The following FREM2 variants were observed in gnomAD, a reference collection of about 807,000 sequenced individuals.
FREM2 encodes FRAS1 related extracellular matrix 2.
FREM2 carries 119 observed loss-of-function variants against 219.9 expected under a neutral mutation model. The observed-to-expected ratio is 0.54, with a 90% CI of 0.47 to 0.63. FREM2 has a LOEUF of 0.63. FREM2 is among the 30% of genes least tolerant of loss of function. FREM2 has a pLI of 0.00. For synonymous variants in FREM2, 1,562 were observed against 1,522.8 expected, an observed-to-expected ratio of 1.03 and a Z score of -0.60; for missense variants, 4,030 against 3,993.6, an observed-to-expected ratio of 1.01 and a Z score of -0.25.
At chr13:38,817,753 T>G (rs1875825215) in intron 6 of FREM2, among the ~76,000 whole-genome samples, 1 of 152,058 alleles carries the variant, frequency 6.6e-6, no homozygotes, top group African/African-American at 2.4e-5. Flanking sequence ...CAGAAACTGT[T>G]AAGAGAGTGA....
Position 38,691,401 on chromosome 13 carries a change from C to A in FREM2, c.4057C>A (p.Gln1353Lys). 6.2e-7 allele frequency: 1 copy of A among 1,614,112 alleles called. No individual in the cohort carries two copies. The highest frequency in any genetic ancestry group is 8.5e-7 in the Non-Finnish European group (1 of 1,179,998). Reference sequence around the variant, plus strand: ...TTATGGGCCAGGACATGGCTTATTACAGAGACGAAAACCTACTGGTGCCTT... The same window carrying A: ...TTATGGGCCAGGACATGGCTTATTAAAGAGACGAAAACCTACTGGTGCCTT... ...IRYGPGHGLL[Q>K]RRKPTGAFEN... The change falls in exon 1 of 24, where the codon CAG (glutamine) becomes AAG (lysine). Residue 1353 changes from glutamine (Q) to lysine (K), a missense_variant. This residue lies in a region of FREM2 where 3,102 missense variants were observed against 2,950.7 expected (regional missense o/e 1.05). Coordinates refer to ENST00000280481, the MANE Select transcript of FREM2 (RefSeq NM_207361.6).
In FREM2 at chr13:38,687,628, T is replaced by A; in HGVS notation, c.284T>A (p.Leu95Gln). 1 of 1,609,260 alleles carries A rather than the reference T, an allele frequency of 6.2e-7. No individual in the cohort carries two copies. Among genetic ancestry groups the A allele is most frequent in the South Asian group, 1.1e-5 (1 of 90,440 alleles). ...REVWLDPLHD[L>Q]VLQVQPGDRC... ...GTCTGGCTGGATCCCCTGCATGACC[T>A]GGTGTTGCAGGTGCAGCCCGGGGAC... The change falls in exon 1 of 24, where the codon CTG becomes CAG. Residue 95 changes from leucine to glutamine, a missense_variant. This residue lies in a region of FREM2 where 3,102 missense variants were observed against 2,950.7 expected (regional missense o/e 1.05). Coordinates refer to ENST00000280481, the MANE Select transcript of FREM2 (RefSeq NM_207361.6).
At chr13:38,708,416 G>A (rs954222467) in intron 2 of FREM2, among the ~76,000 whole-genome samples, 6 of 152,168 alleles carry the variant, frequency 3.9e-5, no homozygotes, top group Non-Finnish European at 7.3e-5. Flanking sequence ...CATCTTGGGA[G>A]GCTAAGGAGG....
intron 2 of FREM2, among the ~76,000 whole-genome samples, chr13:38,708,398 A>C (rs1870625509): frequency 1.3e-5 from 2 of 152,184 alleles, no homozygotes; most frequent in South Asian, 4.1e-4. Context: ...TCATGCCTGT[A>C]ATCCCAGCAT....
In FREM2 at chr13:38,859,365, C is replaced by T. The variant is rs141120365; in HGVS notation, c.7294C>T (p.Arg2432Trp). 6.3e-5 allele frequency: 101 copies of T among 1,614,052 alleles called. 1 individual carries two copies. Among genetic ancestry groups the T allele is most frequent in the Non-Finnish European group, 8.0e-5 (94 of 1,180,026 alleles). Residue 2432 changes from arginine (R) to tryptophan (W), a missense_variant, in exon 14 of 24, where the codon CGG becomes TGG. Arg to Trp is a moderately radical substitution (Grantham distance 101). Transcript: ENST00000280481. ...TGAGAACATCAATGACACTTTGACG[C>T]GGTACCGGTGGCTGATTAGTGCACC... The part of the protein sequence containing the change: ...ASENINDTLT[R>W]YRWLISAPAG...
intron 6 of FREM2, among the ~76,000 whole-genome samples, chr13:38,814,651 A>G (rs1875688531): frequency 6.6e-6 from 1 of 152,142 alleles, no homozygotes; most frequent in African/African-American, 2.4e-5. Flanking sequence ...TCACTTCAGA[A>G]TGGCAAGTTT....
chr13:38,692,070 C>G lies in FREM2; in HGVS notation c.4726C>G (p.Pro1576Ala), dbSNP rs116742938. The change falls in exon 1 of 24, where the codon CCT becomes GCT. Residue 1576 changes from proline (P) to alanine (A), a missense_variant. This residue lies in a region of FREM2 where 3,102 missense variants were observed against 2,950.7 expected (regional missense o/e 1.05). Transcript: ENST00000280481. ...KLLKFTITQV[P>A]IHGHLLFNNT... Reference sequence around the variant, plus strand: ...CCTGAAATTCACTATCACCCAGGTGCCTATTCATGGCCATCTCCTATTCAA... The same window carrying G: ...CCTGAAATTCACTATCACCCAGGTGGCTATTCATGGCCATCTCCTATTCAA... 1,117 of 1,614,156 alleles carry G rather than the reference C, an allele frequency of 6.9e-4. 12 individuals carry two copies. In the African/African-American group the frequency reaches 0.013, roughly 19 times the overall value.
intron 3 of FREM2, among the ~76,000 whole-genome samples, chr13:38,766,383 C>T (rs553418562): frequency 6.6e-6 from 1 of 152,156 alleles, no homozygotes. Flanking sequence ...ACTTAGTAAC[C>T]TGGGGTGATA....
At chr13:38,859,222 C>T (rs552911583) in intron 13 of FREM2, 65 bp from the exon 14 acceptor site, 275 of 1,511,258 alleles carry the variant, frequency 1.8e-4, no homozygotes, top group East Asian at 1.7e-3. Flanking sequence ...TGGCAGAGAA[C>T]GGGAGAAGAA....
chr13:38,851,950 G>A, intron 11 of FREM2, 82 bp downstream of exon 11: 1 of 1,278,908 alleles, frequency 7.8e-7, no homozygotes. Context: ...GAAAAGAAGG[G>A]AAACATCCAA....
At chr13:38,756,206 A>G (rs1566130284) in intron 2 of FREM2, among the ~76,000 whole-genome samples, 1 of 152,234 alleles carries the variant, frequency 6.6e-6, no homozygotes, top group South Asian at 2.1e-4. Context: ...GATTTTAATT[A>G]TTCAGCGCAG....
rs541840250 is a variant in FREM2 at position 38,687,133 on chromosome 13, G to T, written c.-212G>T. 12 of 619,166 alleles carry T rather than the reference G, an allele frequency of 1.9e-5. No individual in the cohort carries two copies. The highest frequency in any genetic ancestry group is 3.4e-5 in the Non-Finnish European group (12 of 356,088). 38.4% of individuals were successfully genotyped at this position (619,166 alleles called of 1,614,324 possible). The stretch of plus-strand genomic sequence containing the variant: ...TGAGGCGCTAGCGGCGGAGCTGGAC[G>T]GCCTGGGAAGGCTTCGGCTCCTCGG... On this transcript the variant is annotated 5_prime_UTR_variant, in exon 1 of 24. Coordinates refer to ENST00000280481, the MANE Select transcript of FREM2 (RefSeq NM_207361.6).
At chr13:38,836,873 T>G (rs973464245) in intron 6 of FREM2, among the ~76,000 whole-genome samples, 7 of 152,116 alleles carry the variant, frequency 4.6e-5, no homozygotes, top group African/African-American at 1.7e-4. Flanking sequence ...GTATCTATTT[T>G]GTTAATATTT....
In FREM2 at chr13:38,848,687, T is replaced by C. The variant is rs1877257996; in HGVS notation, c.6379+17T>C. 6.3e-7 allele frequency: 1 copy of C among 1,577,998 alleles called. No homozygotes were observed. Among genetic ancestry groups the C allele is most frequent in the Non-Finnish European group, 8.7e-7 (1 of 1,149,164 alleles). ...TCTCCGATTGTGAGTGTTTATTAAT[T>C]TTATAATTTACAATGATAATTGAAA... is the stretch of plus-strand genomic sequence containing the variant. On this transcript the variant is annotated intron_variant, in intron 8 of 23. Transcript: ENST00000280481.
chr13:38,799,895 A>G (rs1445972615), intron 6 of FREM2, among the ~76,000 whole-genome samples: 5 of 152,092 alleles, frequency 3.3e-5, no homozygotes, highest in South Asian at 2.1e-4. Context: ...TAGGCAGCAT[A>G]TATTTGAATT....
At chr13:38,849,887 C>A in intron 8 of FREM2, 151 bp from the exon 9 acceptor site, 1 of 712,566 alleles carries the variant, frequency 1.4e-6, no homozygotes, top group Non-Finnish European at 2.5e-6. Flanking sequence ...AAGTGATTTG[C>A]TCAAGGTCAA....
chr13:38,709,579 A>T (rs1870681311), intron 2 of FREM2, among the ~76,000 whole-genome samples: 1 of 152,110 alleles, frequency 6.6e-6, no homozygotes, highest in Admixed American at 6.5e-5. Context: ...TATTATGCAG[A>T]ATATACTACA....
rs1315270054 is a variant in FREM2 at position 38,841,529 on chromosome 13, G to T, written c.6020-5044G>T. 2.0e-5 allele frequency among the ~76,000 whole-genome samples: 3 copies of T among 152,020 alleles called. No individual in the cohort carries two copies. In the South Asian group the frequency reaches 6.3e-4, roughly 32 times the overall value. On this transcript the variant is annotated intron_variant, in intron 6 of 23. Transcript: ENST00000280481. The stretch of plus-strand genomic sequence containing the variant: ...GATAATTCTAGTATACTTCCTATTT[G>T]GGAACCAGTGAAGGCAAAGTATTTC...
intron 2 of FREM2, among the ~76,000 whole-genome samples, chr13:38,705,704 A>G (rs1211615693): frequency 6.6e-6 from 1 of 152,206 alleles, no homozygotes; most frequent in Non-Finnish European, 1.5e-5. Flanking sequence ...CATGCGGCAC[A>G]GTTCCTGTCA....
Sources: gnomAD v4.1 joint callset for allele counts (sites outside exome capture counted in the v4.1 genomes callset) on GRCh38, gnomAD v4.1.1 for gene constraint, gnomAD v4.1.1 regional missense constraint, MANE v1.5 for transcripts, NCBI Gene and HGNC (gene_info 2026-07-23, HGNC 2026-07-21) for gene names.